RNF6: variants seen among roughly 807,000 people sequenced by gnomAD.
RNF6 encodes the protein ring finger protein 6.
In RNF6, 21 loss-of-function variants were observed where a neutral mutation model predicts 50.1. The ratio of observed to expected loss-of-function variants is 0.42; its 90% CI spans 0.30 to 0.60. RNF6 has a LOEUF of 0.60. RNF6 is among the 20% of genes least tolerant of loss of function. The probability of loss-of-function intolerance (pLI) is 0.20; values close to 1 mark genes in which losing one functional copy is unlikely to be tolerated. For synonymous variants in RNF6, 255 were observed against 291.8 expected, an observed-to-expected ratio of 0.87 and a Z score of 1.29; for missense variants, 698 against 838.2, an observed-to-expected ratio of 0.83 and a Z score of 2.07.
At chr13:26,139,892 T>C (rs1380999150) in intron 5 of RNF6, among the ~76,000 whole-genome samples, 1 of 152,192 alleles carries the variant, frequency 6.6e-6, no homozygotes. Flanking sequence ...AGGGTGATCA[T>C]AGCTCACTGT....
Position 26,214,566 on chromosome 13 carries a change from C to G in RNF6, c.1316G>C (p.Gly439Ala), listed in dbSNP as rs559505847. 1.2e-6 allele frequency: 2 copies of G among 1,614,156 alleles called. No individual in the cohort carries two copies. The highest frequency in any genetic ancestry group is 2.2e-5 in the East Asian group (1 of 44,880). ...ACGAGAAATGGTTCGGCGAAAGCCC[C>G]CACTATTGCTTTCAATAGTGACTGT... ...ENTVTIESNSGGFRRTISRLE... is the reference protein window; with the variant it reads ...ENTVTIESNSAGFRRTISRLE... The change falls in exon 5 of 5, where the codon GGG (glycine) becomes GCG (alanine). Residue 439 changes from glycine (G) to alanine (A), a missense_variant. Coordinates refer to ENST00000381588, the MANE Select transcript of RNF6 (RefSeq NM_005977.4).
intron 5 of RNF6, among the ~76,000 whole-genome samples, chr13:26,205,124 G>T (rs1399257236): frequency 6.6e-6 from 1 of 152,032 alleles, no homozygotes; most frequent in Non-Finnish European, 1.5e-5. Context: ...TCCTGAATAG[G>T]TTAGAAGAGG....
intron 5 of RNF6, among the ~76,000 whole-genome samples, chr13:26,190,733 G>A (rs1868421933): frequency 1.3e-5 from 2 of 152,134 alleles, no homozygotes; most frequent in Admixed American, 1.3e-4. Flanking sequence ...ATGATATGTG[G>A]GTGCTATTCT....
intron 5 of RNF6, among the ~76,000 whole-genome samples, chr13:26,197,625 A>C (rs1367207775): frequency 1.3e-5 from 2 of 152,014 alleles, no homozygotes; most frequent in Admixed American, 6.5e-5. Flanking sequence ...TAAAACACCC[A>C]GTTACCTGTG....
At chr13:26,159,619 C>G (rs2137605562) in intron 5 of RNF6, among the ~76,000 whole-genome samples, 1 of 150,618 alleles carries the variant, frequency 6.6e-6, no homozygotes, top group Non-Finnish European at 1.5e-5. Context: ...TGTGAAACTC[C>G]ATCTCAAAAA....
intron 5 of RNF6, among the ~76,000 whole-genome samples, chr13:26,147,696 G>T (rs1177159293): frequency 6.6e-6 from 1 of 152,112 alleles, no homozygotes; most frequent in Non-Finnish European, 1.5e-5. Context: ...TGTGAAGCTG[G>T]GAGTTTAATT....
chr13:26,165,803 T>C (rs1195945288), intron 5 of RNF6, among the ~76,000 whole-genome samples: 1 of 152,250 alleles, frequency 6.6e-6, no homozygotes, highest in African/African-American at 2.4e-5. Context: ...CCATTGTTTC[T>C]AGGAAGTAAC....
intron 5 of RNF6, among the ~76,000 whole-genome samples, chr13:26,157,103 A>G (rs1019110032): frequency 6.6e-6 from 1 of 152,128 alleles, no homozygotes; most frequent in Non-Finnish European, 1.5e-5. Context: ...GGGTATGGGT[A>G]TAGGGTTTCT....
At chr13:26,169,328 A>T (rs948996627) in intron 5 of RNF6, among the ~76,000 whole-genome samples, 1 of 152,116 alleles carries the variant, frequency 6.6e-6, no homozygotes, top group African/African-American at 2.4e-5. Flanking sequence ...AAGGGCAAGG[A>T]GTAGGGAAAG....
At chr13:26,141,014 G>A (rs935242764) in intron 5 of RNF6, among the ~76,000 whole-genome samples, 4 of 152,150 alleles carry the variant, frequency 2.6e-5, no homozygotes, top group African/African-American at 9.7e-5. Flanking sequence ...CATGATCATG[G>A]ATTGGAAGAA....
At chr13:26,164,935 C>T (rs1292463207) in intron 5 of RNF6, among the ~76,000 whole-genome samples, 1 of 152,142 alleles carries the variant, frequency 6.6e-6, no homozygotes, top group Non-Finnish European at 1.5e-5. Flanking sequence ...GAAATTCAAG[C>T]CAGCTGCAGA....
intron 5 of RNF6, among the ~76,000 whole-genome samples, chr13:26,174,149 T>A (rs1000814866): frequency 6.6e-6 from 1 of 152,070 alleles, no homozygotes; most frequent in Non-Finnish European, 1.5e-5. Context: ...AAATTACATA[T>A]GAACTTCCTA....
intron 5 of RNF6, among the ~76,000 whole-genome samples, chr13:26,179,987 C>A (rs905596129): frequency 3.3e-5 from 5 of 152,122 alleles, no homozygotes; most frequent in Non-Finnish European, 5.9e-5. Context: ...CTGCAGCCAG[C>A]GACCCTGCTT....
At chr13:26,173,742 G>T (rs904136847) in intron 5 of RNF6, among the ~76,000 whole-genome samples, 2 of 152,018 alleles carry the variant, frequency 1.3e-5, no homozygotes, top group African/African-American at 4.8e-5. Flanking sequence ...CACAAGGTCA[G>T]GAGATCGAGA....
intron 5 of RNF6, among the ~76,000 whole-genome samples, chr13:26,140,838 T>G (rs1028055220): frequency 2.2e-4 from 33 of 152,118 alleles, no homozygotes; most frequent in African/African-American, 8.0e-4. Context: ...AGAACAATAA[T>G]GTTCAAACTG....
At chr13:26,200,654 C>T (rs959850506) in intron 5 of RNF6, among the ~76,000 whole-genome samples, 3 of 152,222 alleles carry the variant, frequency 2.0e-5, no homozygotes, top group Non-Finnish European at 4.4e-5. Context: ...ATCCACCTGC[C>T]TTGGCCTCCC....
chr13:26,141,720 A>G (rs1376074833), intron 5 of RNF6, among the ~76,000 whole-genome samples: 1 of 152,174 alleles, frequency 6.6e-6, no homozygotes, highest in African/African-American at 2.4e-5. Flanking sequence ...CACCATATAC[A>G]AAAATTAATT....
chr13:26,132,923 G>GT (rs953975658), intron 5 of RNF6, among the ~76,000 whole-genome samples: 5 of 151,794 alleles, frequency 3.3e-5, no homozygotes, highest in African/African-American at 7.2e-5. Flanking sequence ...TGGTTCTGCG[G>GT]TGGGGGGTGC....
At position 26,161,757 on chromosome 13, in the gene RNF6, T is replaced by C. The variant is rs371954929; in HGVS notation, n.769-29306A>G. ...ATTTTAGAACTTAATTATAAAGGCG[T>C]GTCCTGGAATTCCTCAGCTGTTTTT... is the stretch of plus-strand genomic sequence containing the variant. On this transcript the variant is annotated intron_variant and non_coding_transcript_variant, in intron 5 of 5. Transcript: ENST00000468480. 9.8e-5 allele frequency among the ~76,000 whole-genome samples: 15 copies of C among 152,332 alleles called. No homozygotes were observed. The East Asian group carries it at 2.1e-3, about 22-fold the overall frequency.
Sources: allele counts gnomAD v4.1 joint callset (sites outside exome capture counted in the v4.1 genomes callset), GRCh38; gene constraint gnomAD v4.1.1; transcripts MANE v1.5; gene names NCBI Gene and HGNC (gene_info 2026-07-23, HGNC 2026-07-21).